The following NOP14 variants were observed in gnomAD, a reference collection of about 807,000 sequenced individuals.
NOP14 encodes nucleolar protein 14.
In NOP14, 57 loss-of-function variants were observed where a neutral mutation model predicts 101.6. That is an observed-to-expected ratio of 0.56 (90% CI 0.45 to 0.70). The LOEUF is 0.70. Among genes scored for constraint, NOP14 ranks in the 30% least tolerant of loss-of-function variants. The pLI is 0.00. For missense variants in NOP14, 1,134 were observed against 1,075.5 expected, an observed-to-expected ratio of 1.05 and a Z score of -0.76; for synonymous variants, 428 against 424.0, an observed-to-expected ratio of 1.01 and a Z score of -0.12.
rs202023565 is a variant in NOP14 at position 2,951,152 on chromosome 4, C to T, written c.964G>A (p.Val322Met). 60 of 1,613,814 alleles carry T rather than the reference C, an allele frequency of 3.7e-5. No homozygotes were observed. Among genetic ancestry groups the T allele is most frequent in the Non-Finnish European group, 4.7e-5 (55 of 1,179,818 alleles). Residue 322 changes from valine to methionine, a missense_variant, in exon 7 of 18, where the codon GTG (valine) becomes ATG (methionine). By Grantham distance (21) the Val-to-Met change is conservative (BLOSUM62 1). Transcript: ENST00000416614. Reference sequence around the variant, plus strand: ...AAACGCCTGTCATCTTTATCTAGCACGAAGCCATCATTCAGATCATCTGCT... The same window carrying T: ...AAACGCCTGTCATCTTTATCTAGCATGAAGCCATCATTCAGATCATCTGCT... ...MSADDLNDGF[V>M]LDKDDRRLLS...
chr4:2,952,469 A>T, intron 5 of NOP14, 72 bp from the exon 6 acceptor site: 1 of 1,369,834 alleles, frequency 7.3e-7, no homozygotes, highest in Non-Finnish European at 9.8e-7. Context: ...GAAAAGATCT[A>T]GCTTCCTGGC....
intron 1 of NOP14, among the ~76,000 whole-genome samples, chr4:2,960,383 ATTAG>A (rs1423028991): frequency 1.3e-5 from 2 of 152,254 alleles, no homozygotes; most frequent in East Asian, 3.9e-4. Flanking sequence ...CTCTAAAAAT[ATTAG>A]TTCTCATTAT....
chr4:2,938,769 G>A lies in NOP14; in HGVS notation c.*62C>T. ...GCAATCTTCCTGCCTTGGCCTCCCA[G>A]AGGGTTGGAATTGCAGATGTGAGGT... On this transcript the variant is annotated 3_prime_UTR_variant, in exon 18 of 18. Transcript: ENST00000416614. 5 of 1,400,652 alleles carry A rather than the reference G, an allele frequency of 3.6e-6. No individual in the cohort carries two copies. The highest frequency in any genetic ancestry group is 5.0e-6 in the Non-Finnish European group (5 of 995,448). The allele number at this position is 1,400,652 out of a possible 1,614,324, so 86.8% of individuals were successfully genotyped here.
At chr4:2,952,468 T>A in intron 5 of NOP14, 71 bp from the exon 6 acceptor site, 1 of 1,375,952 alleles carries the variant, frequency 7.3e-7, no homozygotes, top group Non-Finnish European at 9.7e-7. Flanking sequence ...AGAAAAGATC[T>A]AGCTTCCTGG....
chr4:2,938,543 C>T lies in NOP14; in HGVS notation c.*288G>A. The stretch of plus-strand genomic sequence containing the variant: ...TTTTTTTAAGCGACACAGTCTTGCA[C>T]TGTGGCCGAGGCTGGAGTGCAGTGG... On this transcript the variant is annotated 3_prime_UTR_variant, in exon 18 of 18. Coordinates refer to ENST00000416614, the MANE Select transcript of NOP14 (RefSeq NM_001291978.2). The T allele has an allele frequency of 2.2e-6, 1 of 449,928 alleles. No individual in the cohort carries two copies. Among genetic ancestry groups the T allele is most frequent in the South Asian group, 2.2e-5 (1 of 44,512 alleles). 27.9% of individuals were successfully genotyped at this position (449,928 alleles called of 1,614,324 possible). A position where few individuals can be genotyped will look rare whatever the true frequency, so the allele number is the denominator to read the frequency against.
Position 2,939,510 on chromosome 4 carries a change from A to G in NOP14, c.2318+17T>C, listed in dbSNP as rs938654600. On this transcript the variant is annotated intron_variant, in intron 16 of 17. Coordinates refer to ENST00000416614, the MANE Select transcript of NOP14 (RefSeq NM_001291978.2). Reference sequence around the variant, plus strand: ...CCCACAGCCCTGGCCTCCCAGGGAGATGCTGCCAGCACCCACACTTTGACC... The same window carrying G: ...CCCACAGCCCTGGCCTCCCAGGGAGGTGCTGCCAGCACCCACACTTTGACC... 6.2e-7 allele frequency: 1 copy of G among 1,609,532 alleles called. No individual in the cohort carries two copies. The highest frequency in any genetic ancestry group is 8.5e-7 in the Non-Finnish European group (1 of 1,176,312).
chr4:2,951,595 A>G (rs1264094406), intron 6 of NOP14, among the ~76,000 whole-genome samples: 1 of 152,070 alleles, frequency 6.6e-6, no homozygotes, highest in Admixed American at 6.6e-5. Flanking sequence ...GCCAAGAGCA[A>G]GCAGCTCCAC....
chr4:2,943,096 C>T (rs545574285), intron 13 of NOP14, among the ~76,000 whole-genome samples: 3 of 152,348 alleles, frequency 2.0e-5, no homozygotes, highest in Admixed American at 6.5e-5. Flanking sequence ...GTGGCTCTCC[C>T]GGAGGCAGGG....
At position 2,939,509 on chromosome 4, in the gene NOP14, G is replaced by C. The variant is rs1472409796; in HGVS notation, c.2318+18C>G. On this transcript the variant is annotated intron_variant, in intron 16 of 17. Transcript: ENST00000416614. ...GCCCACAGCCCTGGCCTCCCAGGGA[G>C]ATGCTGCCAGCACCCACACTTTGAC... 7 of 1,609,044 alleles carry C rather than the reference G, an allele frequency of 4.4e-6. No homozygotes were observed. The highest frequency in any genetic ancestry group is 5.1e-6 in the Non-Finnish European group (6 of 1,175,874).
chr4:2,944,588 G>A (rs1380612216), intron 12 of NOP14, among the ~76,000 whole-genome samples: 1 of 152,142 alleles, frequency 6.6e-6, no homozygotes, highest in Non-Finnish European at 1.5e-5. Flanking sequence ...TGTATTTTTA[G>A]TAGAGACGGG....
chr4:2,938,758 T>C lies in NOP14; in HGVS notation c.*73A>G. The stretch of plus-strand genomic sequence containing the variant: ...CCTGGGCTGAAGCAATCTTCCTGCC[T>C]TGGCCTCCCAGAGGGTTGGAATTGC... On this transcript the variant is annotated 3_prime_UTR_variant, in exon 18 of 18. Coordinates refer to ENST00000416614, the MANE Select transcript of NOP14 (RefSeq NM_001291978.2). The C allele has an allele frequency of 7.9e-7, 1 of 1,268,298 alleles. No individual in the cohort carries two copies. Among genetic ancestry groups the C allele is most frequent in the South Asian group, 1.3e-5 (1 of 79,688 alleles). 78.6% of individuals were successfully genotyped at this position (1,268,298 alleles called of 1,614,324 possible).
rs1278220447 is a variant in NOP14, at chr4:2,945,169, C to A, written c.1696G>T (p.Val566Leu). Reference sequence around the variant, plus strand: ...CTGAGGCACACGAGGGCAGGGGTCACCACTGGGTGCCAGAAGTCGGAAGTT... The same window carrying A: ...CTGAGGCACACGAGGGCAGGGGTCAACACTGGGTGCCAGAAGTCGGAAGTT... Reference protein sequence around the residue: ...FPTSDFWHPVVTPALVCLSQL... With the variant: ...FPTSDFWHPVLTPALVCLSQL... Residue 566 changes from valine (V) to leucine (L), a missense_variant, in exon 12 of 18, where the codon GTG becomes TTG. Transcript: ENST00000416614. The A allele has an allele frequency of 6.3e-7, 1 of 1,592,422 alleles. No individual in the cohort carries two copies. The highest frequency in any genetic ancestry group is 1.1e-5 in the South Asian group (1 of 87,496).
Position 2,939,358 on chromosome 4 carries a change from C to T in NOP14, c.2319-15G>A. 6.2e-7 allele frequency: 1 copy of T among 1,614,030 alleles called. No homozygotes were observed. The highest frequency in any genetic ancestry group is 8.5e-7 in the Non-Finnish European group (1 of 1,179,998). ...CAAACTCGAGGCTACAACCAGAAAGCCACTGTTAAGGAAGCAAGAGTCTGT... is the reference window on the plus strand; with the variant it reads ...CAAACTCGAGGCTACAACCAGAAAGTCACTGTTAAGGAAGCAAGAGTCTGT... On this transcript the variant is annotated splice_polypyrimidine_tract_variant and intron_variant, in intron 16 of 17. Transcript: ENST00000416614.
Position 2,938,865 on chromosome 4 carries a change from C to T in NOP14, c.2540G>A (p.Trp847Ter). 6.2e-7 allele frequency: 1 copy of T among 1,614,088 alleles called. No homozygotes were observed. The highest frequency in any genetic ancestry group is 8.5e-7 in the Non-Finnish European group (1 of 1,179,980). Residue 847 changes from tryptophan (W) to a stop codon, truncating the protein, a stop_gained, in exon 18 of 18, where the codon TGG becomes TAG. Transcript: ENST00000416614. LOFTEE classifies it high-confidence loss of function. Reference protein sequence around the residue: ...FNSLATQEGEWKALKRKKFKK With the variant: ...FNSLATQEGE ...GAACTTTTTCCTCTTCAGAGCCTTCCATTCGCCTTCCTGTGTAGCCAGGCT... is the reference window on the plus strand; with the variant it reads ...GAACTTTTTCCTCTTCAGAGCCTTCTATTCGCCTTCCTGTGTAGCCAGGCT...
At chr4:2,948,912 A>G (rs1333618117) in intron 8 of NOP14, among the ~76,000 whole-genome samples, 3 of 152,220 alleles carry the variant, frequency 2.0e-5, no homozygotes, top group Non-Finnish European at 4.4e-5. Context: ...GTCAGGTGCG[A>G]TCACGCACCT....
intron 13 of NOP14, among the ~76,000 whole-genome samples, chr4:2,942,713 G>A (rs2109294286): frequency 6.6e-6 from 1 of 152,322 alleles, no homozygotes; most frequent in East Asian, 1.9e-4. Flanking sequence ...AGCACCCAGA[G>A]GAGCAAATGG....
At chr4:2,959,968 G>C (rs1715615916) in intron 1 of NOP14, among the ~76,000 whole-genome samples, 1 of 151,106 alleles carries the variant, frequency 6.6e-6, no homozygotes, top group Admixed American at 6.6e-5. Flanking sequence ...GCTACACTGA[G>C]ACCTTTTTTT....
intron 15 of NOP14, chr4:2,940,669 C>T (rs1364651075): frequency 6.6e-6 from 1 of 152,428 alleles, no homozygotes; most frequent in Non-Finnish European, 1.5e-5. Flanking sequence ...AACTCTCATC[C>T]TAGTGGGGCA....
intron 10 of NOP14, 164 bp downstream of exon 10, chr4:2,947,362 G>A (rs1272825986): frequency 1.3e-5 from 8 of 612,724 alleles, no homozygotes; most frequent in African/African-American, 3.7e-5. Context: ...GCCGGCTTGC[G>A]CTGTGAGGCT....
Sources: gnomAD v4.1 joint callset for allele counts (sites outside exome capture counted in the v4.1 genomes callset) on GRCh38, gnomAD v4.1.1 for gene constraint, MANE v1.5 for transcripts, NCBI Gene and HGNC (gene_info 2026-07-23, HGNC 2026-07-21) for gene names.